CFAP20DC: variants seen among roughly 807,000 people sequenced by gnomAD.
CFAP20DC encodes the protein protein CFAP20DC.
A neutral mutation model predicts 101.7 loss-of-function variants in CFAP20DC; 84 were observed. The ratio of observed to expected loss-of-function variants is 0.83; its 90% CI spans 0.69 to 0.99. The LOEUF (loss-of-function observed/expected upper bound fraction) is 0.99. CFAP20DC is among the 50% of genes least tolerant of loss of function. The probability of loss-of-function intolerance (pLI) is 0.00; values close to 1 mark genes in which losing one functional copy is unlikely to be tolerated. For missense variants in CFAP20DC, 1,007 were observed against 970.3 expected, an observed-to-expected ratio of 1.04 and a Z score of -0.50; for synonymous variants, 359 against 351.2, an observed-to-expected ratio of 1.02 and a Z score of -0.25.
intron 6 of CFAP20DC, among the ~76,000 whole-genome samples, chr3:58,898,388 TG>T (rs1248125100): frequency 2.0e-5 from 3 of 152,178 alleles, no homozygotes; most frequent in Non-Finnish European, 4.4e-5. Flanking sequence ...TTGGCCAGTC[TG>T]GTCTGAAACT....
At chr3:58,846,765 T>C (rs1439601099) in intron 13 of CFAP20DC, among the ~76,000 whole-genome samples, 1 of 146,102 alleles carries the variant, frequency 6.8e-6, no homozygotes, top group Non-Finnish European at 1.5e-5. Context: ...CTTCAAACTA[T>C]ACTACAAGGC....
intron 15 of CFAP20DC, among the ~76,000 whole-genome samples, chr3:58,755,318 A>C (rs2068861271): frequency 6.8e-6 from 1 of 147,640 alleles, no homozygotes; most frequent in Non-Finnish European, 1.5e-5. Flanking sequence ...TTCCAAGCTA[A>C]TGGGGCATTT....
At chr3:58,850,751 C>G (rs1335700312) in intron 12 of CFAP20DC, among the ~76,000 whole-genome samples, 2 of 152,150 alleles carry the variant, frequency 1.3e-5, no homozygotes, top group African/African-American at 4.8e-5. Context: ...CGTATCTTGA[C>G]ATTCAGTTTC....
intron 15 of CFAP20DC, among the ~76,000 whole-genome samples, chr3:58,803,341 C>T (rs953376213): frequency 1.3e-5 from 2 of 152,162 alleles, no homozygotes; most frequent in African/African-American, 2.4e-5. Flanking sequence ...TTTTCAATCA[C>T]GGGTTCAAGT....
downstream of CFAP20DC, among the ~76,000 whole-genome samples, chr3:58,739,304 AG>A (rs1239905717): frequency 6.6e-6 from 1 of 152,240 alleles, no homozygotes; most frequent in Non-Finnish European, 1.5e-5. Context: ...ATGACTTAAA[AG>A]TCACTTGTAA....
chr3:58,999,815 T>C (rs957918020), intron 4 of CFAP20DC, among the ~76,000 whole-genome samples: 4 of 135,986 alleles, frequency 2.9e-5, no homozygotes, highest in African/African-American at 1.1e-4. Flanking sequence ...CCATGAAAAC[T>C]GTCAGAGCCA....
intron 14 of CFAP20DC, among the ~76,000 whole-genome samples, chr3:58,815,120 A>G (rs1171900829): frequency 6.6e-6 from 1 of 150,394 alleles, no homozygotes; most frequent in Non-Finnish European, 1.5e-5. Flanking sequence ...CTACAAGGCT[A>G]CAGTAACCAA....
At chr3:58,805,140 C>G (rs1213503394) in intron 15 of CFAP20DC, among the ~76,000 whole-genome samples, 1 of 152,198 alleles carries the variant, frequency 6.6e-6, no homozygotes, top group Non-Finnish European at 1.5e-5. Flanking sequence ...CTACACTAAT[C>G]ACATTCTCTT....
At position 58,897,302 on chromosome 3, in the gene CFAP20DC, A is replaced by T. The variant is rs1313071612; in HGVS notation, c.551-12593T>A. On this transcript the variant is annotated intron_variant, in intron 6 of 16. Transcript: ENST00000482387. The surrounding 1 kb of genome is among the most constrained non-coding windows in gnomAD (Gnocchi z 4.4). Reference sequence around the variant, plus strand: ...TTTGCACATGAGATGGCAGCATACCATGAATCTTGGCTCATTATCCAGCTT... The same window carrying T: ...TTTGCACATGAGATGGCAGCATACCTTGAATCTTGGCTCATTATCCAGCTT... Among the ~76,000 whole-genome samples the T allele has an allele frequency of 6.6e-6, 1 of 152,224 alleles. No homozygotes were observed. Among genetic ancestry groups the T allele is most frequent in the African/African-American group, 2.4e-5 (1 of 41,462 alleles).
Position 58,816,195 on chromosome 3 carries a change from T to C in CFAP20DC, c.2176-9739A>G, listed in dbSNP as rs1238495631. Among the ~76,000 whole-genome samples, 5 of 152,028 alleles carry C rather than the reference T, an allele frequency of 3.3e-5. No homozygotes were observed. In the South Asian group the frequency reaches 8.3e-4, roughly 25 times the overall value. On this transcript the variant is annotated intron_variant, in intron 14 of 16. Coordinates refer to ENST00000482387, the MANE Select transcript of CFAP20DC (RefSeq NM_001394063.1). ...CTATGCAGCCATAAAAAATGATGAG[T>C]TCATGTCCTTTGTAGGGACATGGAT... is the stretch of plus-strand genomic sequence containing the variant.
intron 14 of CFAP20DC, among the ~76,000 whole-genome samples, chr3:58,823,101 C>G (rs1210321319): frequency 6.6e-6 from 1 of 152,088 alleles, no homozygotes; most frequent in African/African-American, 2.4e-5. Context: ...ATTCAAGTTT[C>G]ACTGTTTGTT....
intron 5 of CFAP20DC, among the ~76,000 whole-genome samples, chr3:58,934,788 T>C (rs1410964905): frequency 6.6e-6 from 1 of 152,182 alleles, no homozygotes; most frequent in Non-Finnish European, 1.5e-5. Context: ...TAATAAGAGC[T>C]ATCTATGACA....
intron 4 of CFAP20DC, among the ~76,000 whole-genome samples, chr3:58,939,483 G>C (rs775249459): frequency 2.6e-5 from 4 of 151,956 alleles, no homozygotes; most frequent in Non-Finnish European, 5.9e-5. Flanking sequence ...TTTTGAGACA[G>C]AGTCTAGCTC....
At chr3:58,733,900 A>G (rs973169128) in intron 3 of CFAP20DC, among the ~76,000 whole-genome samples, 4 of 152,172 alleles carry the variant, frequency 2.6e-5, no homozygotes, top group African/African-American at 4.8e-5. Flanking sequence ...GCTTAGTCTT[A>G]TAATAGGGTA....
At chr3:58,840,127 T>C (rs1359200869) in intron 13 of CFAP20DC, among the ~76,000 whole-genome samples, 1 of 152,210 alleles carries the variant, frequency 6.6e-6, no homozygotes, top group Non-Finnish European at 1.5e-5. Flanking sequence ...GCAGTGGAAA[T>C]GTTATTTAAT....
intron 14 of CFAP20DC, among the ~76,000 whole-genome samples, chr3:58,822,523 C>T (rs925103888): frequency 6.6e-6 from 1 of 151,046 alleles, no homozygotes; most frequent in African/African-American, 2.4e-5. Flanking sequence ...ACCAGCATGG[C>T]ACATGTATAC....
At chr3:58,803,407 A>G (rs957909267) in intron 15 of CFAP20DC, among the ~76,000 whole-genome samples, 1 of 152,156 alleles carries the variant, frequency 6.6e-6, no homozygotes, top group Non-Finnish European at 1.5e-5. Flanking sequence ...CTCATTTCTT[A>G]TATTTTTTCA....
At chr3:58,744,612 T>C (rs1559534361) in intron 16 of CFAP20DC, among the ~76,000 whole-genome samples, 1 of 152,078 alleles carries the variant, frequency 6.6e-6, no homozygotes, top group Non-Finnish European at 1.5e-5. Flanking sequence ...AATGGGCTTG[T>C]TAACTCCAGA....
At chr3:58,870,152 C>T (rs762578614) in intron 8 of CFAP20DC, 21 bp downstream of exon 8, 38 of 1,606,004 alleles carry the variant, frequency 2.4e-5, no homozygotes, top group Non-Finnish European at 3.1e-5. Flanking sequence ...CTTAGATAAG[C>T]TCTCCAAACC....
Sources: gnomAD v4.1 joint callset for allele counts (sites outside exome capture counted in the v4.1 genomes callset) on GRCh38, gnomAD v4.1.1 for gene constraint, Gnocchi (gnomAD v3.1) non-coding constraint, MANE v1.5 for transcripts, NCBI Gene and HGNC (gene_info 2026-07-23, HGNC 2026-07-21) for gene names.